BYSL: variants seen among roughly 807,000 people sequenced by gnomAD.
BYSL encodes bystin like.
A neutral mutation model predicts 45.4 loss-of-function variants in BYSL; 21 were observed. That is an observed-to-expected ratio of 0.46 (90% CI 0.33 to 0.67). The LOEUF (loss-of-function observed/expected upper bound fraction) is 0.67. Ranked by LOEUF, BYSL falls within the 30% of genes least tolerant of loss-of-function variation. The pLI is 0.02. For missense variants in BYSL, 522 were observed against 578.5 expected (o/e 0.90, Z 1.00); for synonymous variants, 215 against 231.3 (o/e 0.93, Z 0.64).
chr6:41,913,635 C>G, the BYSL span, among the ~76,000 whole-genome samples: 1 of 152,214 alleles, frequency 6.6e-6, no homozygotes, highest in South Asian at 2.1e-4. Flanking sequence ...TGCAGTGGCT[C>G]ATGCCTGTAA....
the BYSL span, among the ~76,000 whole-genome samples, chr6:41,909,862 G>C: frequency 2.6e-5 from 4 of 152,152 alleles, no homozygotes; most frequent in African/African-American, 7.2e-5. Context: ...CAGACTTTAC[G>C]TATAATCTTT....
Position 41,931,602 on chromosome 6 carries a change from A to T in BYSL, c.865+46A>T, listed in dbSNP as rs373292928. ...AAGAAAGGGAAGGGCTGGAGCTTCT[A>T]TGGGGAACACAGCAGGCCTGGTGTG... On this transcript the variant is annotated intron_variant, in intron 5 of 6. Transcript: ENST00000230340. The T allele has an allele frequency of 2.5e-6, 4 of 1,613,414 alleles. No individual in the cohort carries two copies. In the African/African-American group the frequency reaches 4.0e-5, roughly 16 times the overall value.
chr6:41,921,477 G>C, upstream of BYSL: 3 of 1,471,852 alleles, frequency 2.0e-6, no homozygotes, highest in Non-Finnish European at 2.7e-6. Flanking sequence ...GCGGCCTCTT[G>C]GGCGCTGGGA....
At chr6:41,930,476 C>T in intron 3 of BYSL, 159 bp from the exon 4 acceptor site, 1 of 1,225,210 alleles carries the variant, frequency 8.2e-7, no homozygotes, top group Non-Finnish European at 1.1e-6. Flanking sequence ...GGAACTCTCA[C>T]TGGTCATCTG....
In BYSL at chr6:41,930,777, G is replaced by T; in HGVS notation, c.704+9G>T. 6.2e-7 allele frequency: 1 copy of T among 1,609,954 alleles called. No individual in the cohort carries two copies. Among genetic ancestry groups the T allele is most frequent in the Non-Finnish European group, 8.5e-7 (1 of 1,178,734 alleles). ...ATGTACCAGGCCACCAGGTAGAGTA[G>T]CTGGGGGTTCGGGGGCCTTGGGTTT... On this transcript the variant is annotated intron_variant, in intron 4 of 6. Coordinates refer to ENST00000230340, the MANE Select transcript of BYSL (RefSeq NM_004053.4).
Position 41,932,884 on chromosome 6 carries a change from CCT to C in BYSL, c.*181_*182del. On this transcript the variant is annotated 3_prime_UTR_variant, in exon 7 of 7. Transcript: ENST00000230340. The surrounding 1 kb of genome is among the most constrained non-coding windows in gnomAD (Gnocchi z 4.7). ...GAAGGACTGAGGGTCTGGCTGGTTCCCTCTTCCATTCTAGGCCCTTATCCCTG... is the reference window on the plus strand; with the variant it reads ...GAAGGACTGAGGGTCTGGCTGGTTCCCTTCCATTCTAGGCCCTTATCCCTG... 1 of 690,364 alleles carries C rather than the reference CCT, an allele frequency of 1.4e-6. No homozygotes were observed. Among genetic ancestry groups the C allele is most frequent in the Non-Finnish European group, 2.4e-6 (1 of 422,104 alleles). 42.8% of individuals were successfully genotyped at this position (690,364 alleles called of 1,614,324 possible).
At chr6:41,919,933 G>C (rs1414937639), upstream of BYSL, among the ~76,000 whole-genome samples, 1 of 152,128 alleles carries the variant, frequency 6.6e-6, no homozygotes, top group Non-Finnish European at 1.5e-5. Flanking sequence ...GGGCTACCAG[G>C]AGGAAAAGTA....
chr6:41,930,380 G>A (rs1775620637), intron 3 of BYSL, 110 bp downstream of exon 3: 1 of 1,412,488 alleles, frequency 7.1e-7, no homozygotes, highest in South Asian at 1.4e-5. Flanking sequence ...AGTCATGGGA[G>A]TAGAAAACAG....
intron 3 of BYSL, 41 bp downstream of exon 3, chr6:41,930,311 G>T: frequency 6.3e-7 from 1 of 1,594,706 alleles, no homozygotes; most frequent in Non-Finnish European, 8.6e-7. Flanking sequence ...GACCCCTTTG[G>T]GGGCTGTGGG....
upstream of BYSL, chr6:41,921,199 C>G: frequency 1.3e-6 from 1 of 759,736 alleles, no homozygotes; most frequent in Admixed American, 3.1e-5. Context: ...CTCGGCACCC[C>G]TCGGTGACGC....
chr6:41,925,508 C>T (rs1344705004), intron 1 of BYSL, among the ~76,000 whole-genome samples: 5 of 151,372 alleles, frequency 3.3e-5, no homozygotes, highest in South Asian at 2.1e-4. Context: ...GGACTACAGG[C>T]GCCCGCCACC....
intron 1 of BYSL, among the ~76,000 whole-genome samples, chr6:41,924,574 T>TA (rs2127384742): frequency 6.6e-6 from 1 of 152,334 alleles, no homozygotes; most frequent in South Asian, 2.1e-4. Context: ...TCACATATAG[T>TA]AGGTGCTTGG....
chr6:41,909,479 G>T, the BYSL span: 5 of 1,614,116 alleles, frequency 3.1e-6, no homozygotes, highest in Admixed American at 1.7e-5. Flanking sequence ...AGCTCAATGG[G>T]TACTCTGAGT....
chr6:41,930,711 TC>T lies in BYSL; in HGVS notation c.649del (p.Leu217SerfsTer25). On this transcript the variant is annotated frameshift_variant, in exon 4 of 7. Transcript: ENST00000230340. LOFTEE classifies it high-confidence loss of function. ...CCTGCACTCTCCAACTGGGAGCAAA[TC>T]CTCTACGTCACAGAGCCGGAGGCCT... ...IIPALSNWEQ[I>X]LYVTEPEAWT... 6.2e-7 allele frequency: 1 copy of T among 1,614,026 alleles called. No individual in the cohort carries two copies. Among genetic ancestry groups the T allele is most frequent in the Non-Finnish European group, 8.5e-7 (1 of 1,179,952 alleles).
At chr6:41,919,290 A>G (rs1221057478), upstream of BYSL, among the ~76,000 whole-genome samples, 1 of 152,190 alleles carries the variant, frequency 6.6e-6, no homozygotes, top group Non-Finnish European at 1.5e-5. Context: ...GACTGCCTGT[A>G]TAAGGATGTA....
chr6:41,909,020 T>TA, the BYSL span: 41,881 of 426,006 alleles, frequency 0.098, 33 homozygotes, highest in South Asian at 0.13. Context: ...TCATTTCTAC[T>TA]AAAAAAAAAA....
chr6:41,925,169 A>G (rs371639451), intron 1 of BYSL, among the ~76,000 whole-genome samples: 1 of 152,054 alleles, frequency 6.6e-6, no homozygotes, highest in Admixed American at 6.6e-5. Flanking sequence ...ACAAAGTACA[A>G]ATTTGGGGGA....
Position 41,921,579 on chromosome 6 carries a change from C to T in BYSL, c.17C>T (p.Ala6Val). The T allele has an allele frequency of 6.3e-7, 1 of 1,576,486 alleles. No individual in the cohort carries two copies. The highest frequency in any genetic ancestry group is 8.6e-7 in the Non-Finnish European group (1 of 1,160,042). MPKFK[A>V]ARGVGGQEKH... is the part of the protein sequence containing the mutation. ...TCGAGAAAAATGCCCAAATTCAAGG[C>T]GGCCCGTGGGGTGGGGGGTCAGGAA... Residue 6 changes from alanine (A) to valine (V), a missense_variant, in exon 1 of 7, where the codon GCG (alanine) becomes GTG (valine). Coordinates refer to ENST00000230340, the MANE Select transcript of BYSL (RefSeq NM_004053.4).
At chr6:41,917,714 GA>G, upstream of BYSL, 1 of 467,382 alleles carries the variant, frequency 2.1e-6, no homozygotes, top group Non-Finnish European at 4.5e-6. Context: ...GTCATATAAT[GA>G]AAAAGGGATT....
Sources: allele counts gnomAD v4.1 joint callset (sites outside exome capture counted in the v4.1 genomes callset), GRCh38; gene constraint gnomAD v4.1.1; non-coding constraint Gnocchi (gnomAD v3.1); transcripts MANE v1.5; gene names NCBI Gene and HGNC (gene_info 2026-07-23, HGNC 2026-07-21).